Variants in LRRK1 observed in about 807,000 individuals in gnomAD.
LRRK1 encodes the protein leucine-rich repeat serine/threonine-protein kinase 1.
A neutral mutation model predicts 209.1 loss-of-function variants in LRRK1; 113 were observed. The observed-to-expected ratio is 0.54, with a 90% CI of 0.46 to 0.63. LRRK1 has a LOEUF of 0.63. Among genes scored for constraint, LRRK1 ranks in the 30% least tolerant of loss-of-function variants. The pLI is 0.00. For synonymous variants in LRRK1, 1,144 were observed against 1,099.7 expected, an observed-to-expected ratio of 1.04 and a Z score of -0.80; for missense variants, 2,284 against 2,632.2, an observed-to-expected ratio of 0.87 and a Z score of 2.89.
At chr15:100,944,690 T>A (rs751850800) in intron 2 of LRRK1, among the ~76,000 whole-genome samples, 6 of 152,188 alleles carry the variant, frequency 3.9e-5, no homozygotes, top group Non-Finnish European at 8.8e-5. Flanking sequence ...TGGAGTCAAT[T>A]TCTGTTGTTT....
At chr15:100,987,337 A>G (rs2031929172) in intron 4 of LRRK1, among the ~76,000 whole-genome samples, 1 of 152,170 alleles carries the variant, frequency 6.6e-6, no homozygotes, top group African/African-American at 2.4e-5. Flanking sequence ...GCATTTGGGA[A>G]GTGTCCCTGC....
chr15:100,973,989 C>A, intron 3 of LRRK1, 22 bp downstream of exon 3: 2 of 1,245,218 alleles, frequency 1.6e-6, no homozygotes, highest in Non-Finnish European at 2.0e-6. Flanking sequence ...CCTGCCCCTG[C>A]GGCCACCCAT....
At chr15:100,963,197 T>C (rs2141638593) in intron 2 of LRRK1, among the ~76,000 whole-genome samples, 1 of 152,194 alleles carries the variant, frequency 6.6e-6, no homozygotes, top group East Asian at 1.9e-4. Context: ...CTCTGTCCTA[T>C]GTTCTACTTT....
intron 29 of LRRK1, among the ~76,000 whole-genome samples, chr15:101,060,315 ACT>A (rs558201365): frequency 8.5e-4 from 129 of 151,994 alleles, no homozygotes; most frequent in African/African-American, 2.8e-3. Context: ...ATTCTTTATG[ACT>A]CTCTATATTT....
In LRRK1 at chr15:101,024,782, G is replaced by A. The variant is rs189083438; in HGVS notation, c.2068-21G>A. ...TTTGTCTCTAAAATGCCTCCCTGTC[G>A]CTGCCTTGTTGCTCAAGTAGGTTGA... On this transcript the variant is annotated intron_variant, in intron 15 of 33. Coordinates refer to ENST00000388948, the MANE Select transcript of LRRK1 (RefSeq NM_024652.6). The surrounding 1 kb of genome is among the most constrained non-coding windows in gnomAD (Gnocchi z 4.6). The A allele has an allele frequency of 2.0e-4, 315 of 1,599,550 alleles. 1 individual carries two copies. The African/African-American group carries it at 3.4e-3, about 17-fold the overall frequency.
chr15:101,036,519 G>T (rs2034499830), intron 20 of LRRK1, among the ~76,000 whole-genome samples: 1 of 151,764 alleles, frequency 6.6e-6, no homozygotes, highest in South Asian at 2.1e-4. Flanking sequence ...TTGTTTTTCT[G>T]ATTTCTTTGT....
chr15:101,023,384 G>A (rs558813057), intron 15 of LRRK1, among the ~76,000 whole-genome samples: 4 of 152,258 alleles, frequency 2.6e-5, no homozygotes, highest in Admixed American at 2.0e-4. Flanking sequence ...TTTCCATTCA[G>A]TGCCAGGCAA....
At chr15:100,983,240 G>A (rs1018993419) in intron 3 of LRRK1, among the ~76,000 whole-genome samples, 11 of 152,254 alleles carry the variant, frequency 7.2e-5, no homozygotes, top group African/African-American at 2.6e-4. Context: ...TATTTAACAT[G>A]AATATATTAA....
At chr15:101,062,498 T>C (rs2036244381) in intron 30 of LRRK1, 76 bp from the exon 31 acceptor site, 2 of 1,021,144 alleles carry the variant, frequency 2.0e-6, no homozygotes. Context: ...TCCAAGTGCA[T>C]CCTCATGGGA....
chr15:101,049,798 T>C lies in LRRK1; in HGVS notation c.3439+15T>C. 6.2e-7 allele frequency: 1 copy of C among 1,609,392 alleles called. No homozygotes were observed. The highest frequency in any genetic ancestry group is 8.5e-7 in the Non-Finnish European group (1 of 1,177,662). ...GTGGTTTCCCGGTAAGAGGAGATGC[T>C]AGAAGCAAGCCCTCATTCATGCTAA... On this transcript the variant is annotated intron_variant, in intron 23 of 33. Transcript: ENST00000388948.
intron 6 of LRRK1, among the ~76,000 whole-genome samples, chr15:100,990,060 A>G (rs535133698): frequency 6.6e-6 from 1 of 152,238 alleles, no homozygotes; most frequent in Non-Finnish European, 1.5e-5. Flanking sequence ...ACAACCTGGT[A>G]GGGATCTTTT....
intron 2 of LRRK1, among the ~76,000 whole-genome samples, chr15:100,941,771 C>T (rs982723651): frequency 5.9e-5 from 9 of 152,282 alleles, no homozygotes; most frequent in South Asian, 2.1e-4. Context: ...GCTCCGTGTG[C>T]CTCCTGGGAG....
chr15:101,042,950 G>A lies in LRRK1; in HGVS notation c.2964-3031G>A, dbSNP rs1027165510. 1.5e-4 allele frequency among the ~76,000 whole-genome samples: 23 copies of A among 152,190 alleles called. 1 individual carries two copies. Among genetic ancestry groups the A allele is most frequent in the Non-Finnish European group, 3.1e-4 (21 of 68,036 alleles). On this transcript the variant is annotated intron_variant, in intron 20 of 33. Coordinates refer to ENST00000388948, the MANE Select transcript of LRRK1 (RefSeq NM_024652.6). ...GACCCCTACGAGGGCCAGGCTGGGG[G>A]AGCACACGAGGGGTGAGACCTGCCA... is the stretch of plus-strand genomic sequence containing the variant.
intron 2 of LRRK1, among the ~76,000 whole-genome samples, chr15:100,957,548 C>T (rs2042790737): frequency 6.6e-6 from 1 of 152,182 alleles, no homozygotes; most frequent in African/African-American, 2.4e-5. Context: ...TATATAGTGA[C>T]CTTCTTTGTC....
intron 29 of LRRK1, among the ~76,000 whole-genome samples, chr15:101,058,626 G>GGGGGGGGGA (rs2035963983): frequency 7.0e-6 from 1 of 143,612 alleles, no homozygotes; most frequent in African/African-American, 2.7e-5. Context: ...ACGGGGGGGG[G>GGGGGGGGGA]CGTCTAAACA....
intron 3 of LRRK1, among the ~76,000 whole-genome samples, chr15:100,974,356 A>G (rs910429528): frequency 7.2e-5 from 11 of 152,360 alleles, no homozygotes; most frequent in African/African-American, 2.6e-4. Flanking sequence ...CAAAAAAGTT[A>G]CCAAATTCCT....
intron 12 of LRRK1, among the ~76,000 whole-genome samples, chr15:101,019,450 G>A (rs919686747): frequency 4.6e-5 from 7 of 152,122 alleles, no homozygotes; most frequent in South Asian, 2.1e-4. Context: ...TTAGAAGGCC[G>A]GTGCACCTTT....
chr15:101,001,522 T>C (rs2032689932), intron 6 of LRRK1, among the ~76,000 whole-genome samples: 1 of 152,196 alleles, frequency 6.6e-6, no homozygotes, highest in Admixed American at 6.5e-5. Context: ...GTTGTTCTTA[T>C]TGTTACTTCT....
In LRRK1 at chr15:100,988,742, A is replaced by C. The variant is rs767351188; in HGVS notation, c.542A>C (p.Glu181Ala). 1 of 1,614,100 alleles carries C rather than the reference A, an allele frequency of 6.2e-7. No individual in the cohort carries two copies. The highest frequency in any genetic ancestry group is 8.5e-7 in the Non-Finnish European group (1 of 1,179,942). The change falls in exon 5 of 34, where the codon GAG becomes GCG. Residue 181 changes from glutamate to alanine, a missense_variant. This residue lies in a region of LRRK1 where 134 missense variants were observed against 191.7 expected (regional missense o/e 0.70). Transcript: ENST00000388948. ...GTCCTGACGCACGGGGCTGACCCGG[A>C]GAGCTACGCTGTCAGGAAGAATGAG... ...LLVLTHGADP[E>A]SYAVRKNEFP... is the part of the protein sequence containing the mutation.
Sources: gnomAD v4.1 joint callset for allele counts (sites outside exome capture counted in the v4.1 genomes callset) on GRCh38, gnomAD v4.1.1 for gene constraint, gnomAD v4.1.1 regional missense constraint, Gnocchi (gnomAD v3.1) non-coding constraint, MANE v1.5 for transcripts, NCBI Gene and HGNC (gene_info 2026-07-23, HGNC 2026-07-21) for gene names.